CAPN9: variants seen among roughly 807,000 people sequenced by gnomAD.
CAPN9 encodes calpain 9.
In CAPN9, 81 loss-of-function variants were observed where a neutral mutation model predicts 92.8. The ratio of observed to expected loss-of-function variants is 0.87; its 90% CI spans 0.73 to 1.05. The LOEUF is 1.05. Ranked by LOEUF, CAPN9 falls within the 50% of genes least tolerant of loss-of-function variation. The pLI, the probability that CAPN9 is intolerant of heterozygous loss-of-function variation, is 0.00. For missense variants in CAPN9, 848 were observed against 866.2 expected (o/e 0.98, Z 0.26); for synonymous variants, 304 against 328.0 (o/e 0.93, Z 0.79).
chr1:230,774,739 CTTTTTTTT>C (rs747512464), intron 8 of CAPN9, 108 bp downstream of exon 8: 2 of 385,278 alleles, frequency 5.2e-6, no homozygotes, highest in Non-Finnish European at 9.2e-6. Context: ...TTCTTTCTTT[CTTTTTTTT>C]TTTTTTTTTT....
intron 5 of CAPN9, among the ~76,000 whole-genome samples, chr1:230,768,561 T>C (rs1666162288): frequency 6.6e-6 from 1 of 152,082 alleles, no homozygotes; most frequent in Non-Finnish European, 1.5e-5. Context: ...TTTTTTCATT[T>C]CATGTACTAT....
rs187548558 is a variant in CAPN9, at chr1:230,785,507, C to A, written c.1482-474C>A. ...CTGTCTTCACGATAGTGAGTTTGCA[C>A]GAGATCTGGTTGTTTAAGGGTATTT... On this transcript the variant is annotated intron_variant, in intron 11 of 19. Transcript: ENST00000271971. Among the ~76,000 whole-genome samples the A allele has an allele frequency of 9.2e-3, 1,403 of 152,196 alleles. 8 individuals are homozygous for A. The highest frequency in any genetic ancestry group is 0.016 in the Non-Finnish European group (1,092 of 68,008).
chr1:230,800,219 A>AAG lies in CAPN9; in HGVS notation c.2047-1351_2047-1350insAG, dbSNP rs1558123839. On this transcript the variant is annotated intron_variant, in intron 19 of 19. Transcript: ENST00000271971. Reference sequence around the variant, plus strand: ...AGGAAAAGAAAGAAAAGAAAGAAAAATAAGAAAGAAAGAAGAAAGAAAGAA... The same window carrying AAG: ...AGGAAAAGAAAGAAAAGAAAGAAAAAAGTAAGAAAGAAAGAAGAAAGAAAGAA... Among the ~76,000 whole-genome samples the AAG allele has an allele frequency of 2.9e-3, 206 of 69,942 alleles. 13 individuals are homozygous for AAG. Among genetic ancestry groups the AAG allele is most frequent in the African/African-American group, 8.1e-3 (187 of 23,148 alleles). The allele number at this position is 69,942 out of a possible 152,430, so 45.9% of individuals were successfully genotyped here. A position where few individuals can be genotyped will look rare whatever the true frequency, so the allele number is the denominator to read the frequency against.
chr1:230,771,167 G>A (rs968600994), intron 6 of CAPN9, among the ~76,000 whole-genome samples: 5 of 152,186 alleles, frequency 3.3e-5, no homozygotes, highest in African/African-American at 1.2e-4. Context: ...CAAATTAAAT[G>A]AGCCCCTTTA....
chr1:230,747,629 G>A lies in CAPN9; in HGVS notation c.133G>A (p.Asp45Asn). The change falls in exon 1 of 20, where the codon GAT becomes AAT. Residue 45 changes from aspartate to asparagine, a missense_variant. Transcript: ENST00000271971. ...ECLQRGTLFE[D>N]ADFPASNSSL... is the part of the protein sequence containing the mutation. The stretch of plus-strand genomic sequence containing the variant: ...CCTGCAGAGAGGCACCCTGTTTGAG[G>A]ATGCAGACTTCCCAGCCAGCAATTC... 6.2e-7 allele frequency: 1 copy of A among 1,614,176 alleles called. No homozygotes were observed. The highest frequency in any genetic ancestry group is 8.5e-7 in the Non-Finnish European group (1 of 1,180,026).
Position 230,747,428 on chromosome 1 carries a change from A to G in CAPN9, c.-69A>G. The G allele has an allele frequency of 2.2e-6, 3 of 1,373,678 alleles. No individual in the cohort carries two copies. Among genetic ancestry groups the G allele is most frequent in the Non-Finnish European group, 3.1e-6 (3 of 963,300 alleles). 85.1% of individuals were successfully genotyped at this position (1,373,678 alleles called of 1,614,324 possible). Reference sequence around the variant, plus strand: ...TGAGCTGTTCCTTCTTGACCGGCACACACAGCTCGCTTCTTCACTTTCTTT... The same window carrying G: ...TGAGCTGTTCCTTCTTGACCGGCACGCACAGCTCGCTTCTTCACTTTCTTT... On this transcript the variant is annotated 5_prime_UTR_variant, in exon 1 of 20. Coordinates refer to ENST00000271971, the MANE Select transcript of CAPN9 (RefSeq NM_006615.3).
At chr1:230,759,782 T>C (rs936994900) in intron 3 of CAPN9, 152 bp downstream of exon 3, 2 of 495,738 alleles carry the variant, frequency 4.0e-6, no homozygotes, top group Non-Finnish European at 7.1e-6. Context: ...CATTTTATCA[T>C]GGAATAACAG....
At chr1:230,773,663 G>C (rs1369216560) in intron 7 of CAPN9, among the ~76,000 whole-genome samples, 1 of 152,174 alleles carries the variant, frequency 6.6e-6, no homozygotes, top group East Asian at 1.9e-4. Flanking sequence ...AATTATCTGG[G>C]TGTGAGCCAC....
At chr1:230,772,994 C>G (rs1482572740) in intron 7 of CAPN9, among the ~76,000 whole-genome samples, 1 of 151,962 alleles carries the variant, frequency 6.6e-6, no homozygotes, top group Non-Finnish European at 1.5e-5. Flanking sequence ...GCTTGTTGGG[C>G]TCCTGAAGCC....
chr1:230,772,457 G>A (rs928499088), intron 7 of CAPN9, among the ~76,000 whole-genome samples: 1 of 151,020 alleles, frequency 6.6e-6, no homozygotes, highest in African/African-American at 2.5e-5. Context: ...ATGCATAAGT[G>A]CGTGTGTGTT....
At chr1:230,757,292 G>A (rs572530733) in intron 2 of CAPN9, among the ~76,000 whole-genome samples, 2 of 152,128 alleles carry the variant, frequency 1.3e-5, no homozygotes, top group East Asian at 1.9e-4. Context: ...CCTCCCTGCC[G>A]CTGCCCACCT....
At chr1:230,792,384 G>T (rs1668048717) in intron 15 of CAPN9, 42 bp from the exon 16 acceptor site, 7 of 1,577,984 alleles carry the variant, frequency 4.4e-6, no homozygotes, top group Non-Finnish European at 6.1e-6. Flanking sequence ...GGAGCCTCAG[G>T]TTGAAACACT....
At chr1:230,754,379 T>C (rs1665084246) in intron 1 of CAPN9, among the ~76,000 whole-genome samples, 1 of 149,230 alleles carries the variant, frequency 6.7e-6, no homozygotes, top group South Asian at 2.1e-4. Context: ...TTAATACACA[T>C]AGTGTATGTG....
chr1:230,787,651 C>T, intron 13 of CAPN9, 49 bp downstream of exon 13: 1 of 1,496,870 alleles, frequency 6.7e-7, no homozygotes. Context: ...GGGCCTGGAC[C>T]TGCTTCCTAG....
chr1:230,757,719 C>CACA (rs1665335621), intron 2 of CAPN9, among the ~76,000 whole-genome samples: 1 of 104,310 alleles, frequency 9.6e-6, no homozygotes. Flanking sequence ...ACATCTCTAT[C>CACA]AAAAAAAAAA....
intron 7 of CAPN9, 21 bp from the exon 8 acceptor site, chr1:230,774,533 A>G: frequency 6.3e-7 from 1 of 1,577,568 alleles, no homozygotes; most frequent in Non-Finnish European, 8.7e-7. Context: ...CTGCCTGAAC[A>G]CCAATTTTGT....
intron 8 of CAPN9, chr1:230,776,422 A>C (rs1666783303): frequency 6.6e-6 from 1 of 152,188 alleles, no homozygotes; most frequent in Non-Finnish European, 1.5e-5. Context: ...AGATTTACCC[A>C]ATGTTTTGCC....
intron 10 of CAPN9, 35 bp from the exon 11 acceptor site, chr1:230,780,465 C>T (rs1667142078): frequency 6.2e-7 from 1 of 1,608,986 alleles, no homozygotes; most frequent in African/African-American, 1.3e-5. Context: ...AGAGGAACTT[C>T]CCTAGGAAAC....
In CAPN9 at chr1:230,798,187, G is replaced by A; in HGVS notation, c.2013G>A (p.Lys671=). Residue 671 remains lysine (K), a synonymous_variant, in exon 19 of 20, where the codon AAG becomes AAA. Coordinates refer to ENST00000271971, the MANE Select transcript of CAPN9 (RefSeq NM_006615.3). ...GGGTGTTCCAGGCTCTCAGTACAAA[G>A]AACAAGGAGTTCATTCATCTCAATA... ...ASRVFQALST[K]NKEFIHLNIN... is the part of the protein sequence containing the mutation. The A allele has an allele frequency of 6.2e-7, 1 of 1,612,120 alleles. No individual in the cohort carries two copies. Among genetic ancestry groups the A allele is most frequent in the Non-Finnish European group, 8.5e-7 (1 of 1,178,284 alleles).
Sources: allele counts gnomAD v4.1 joint callset (sites outside exome capture counted in the v4.1 genomes callset), GRCh38; gene constraint gnomAD v4.1.1; transcripts MANE v1.5; gene names NCBI Gene and HGNC (gene_info 2026-07-23, HGNC 2026-07-21).